The following CNOT1 variants were observed in gnomAD, a reference collection of about 807,000 sequenced individuals.
The protein encoded by CNOT1 is CCR4-NOT transcription complex subunit 1.
Under a neutral mutation model 273.8 loss-of-function variants are expected in CNOT1, and 15 were observed. The observed-to-expected ratio is 0.05, with a 90% confidence interval of 0.04 to 0.08. The LOEUF is 0.08. Among genes scored for constraint, CNOT1 ranks in the 10% least tolerant of loss-of-function variants. The pLI, the probability that CNOT1 is intolerant of heterozygous loss-of-function variation, is 1.00. For synonymous variants in CNOT1, 1,022 were observed against 1,005.5 expected (o/e 1.02, Z -0.31); for missense variants, 1,644 against 2,912.2 (o/e 0.56, Z 10.02).
chr16:58,601,201 C>T (rs748470477), intron 1 of CNOT1, among the ~76,000 whole-genome samples: 19 of 152,192 alleles, frequency 1.2e-4, no homozygotes, highest in Non-Finnish European at 2.8e-4. Flanking sequence ...GGCGATCCAC[C>T]TGCTTCGGCC....
chr16:58,619,392 A>T (rs2043218721), intron 1 of CNOT1, among the ~76,000 whole-genome samples: 1 of 151,702 alleles, frequency 6.6e-6, no homozygotes, highest in African/African-American at 2.4e-5. Context: ...TAATTGTAAA[A>T]GAGCATCTTT....
chr16:58,538,322 C>A, intron 36 of CNOT1, 56 bp from the exon 37 acceptor site: 1 of 810,930 alleles, frequency 1.2e-6, no homozygotes, highest in Non-Finnish European at 2.2e-6. Context: ...GTAAAAGGGC[C>A]CATTTTACTC....
At chr16:58,585,054 C>A (rs143161958) in intron 8 of CNOT1, among the ~76,000 whole-genome samples, 1 of 152,162 alleles carries the variant, frequency 6.6e-6, no homozygotes, top group African/African-American at 2.4e-5. Flanking sequence ...TGCTTCAATG[C>A]TCTCTCTTCC....
At chr16:58,589,842 T>C (rs1271942900) in intron 2 of CNOT1, among the ~76,000 whole-genome samples, 1 of 152,218 alleles carries the variant, frequency 6.6e-6, no homozygotes, top group Non-Finnish European at 1.5e-5. Flanking sequence ...TATTTGTTAT[T>C]CTTTCTAAAT....
intron 1 of CNOT1, among the ~76,000 whole-genome samples, chr16:58,603,408 AG>A (rs2042545728): frequency 1.0e-5 from 1 of 96,652 alleles, no homozygotes; most frequent in Admixed American, 1.1e-4. Context: ...ACAATTTAAA[AG>A]TGTGTGTGTG....
In CNOT1 at chr16:58,574,516, C is replaced by T. The variant is rs2151964639; in HGVS notation, c.1979+93G>A. On this transcript the variant is annotated intron_variant, in intron 16 of 48. Transcript: ENST00000317147. ...AAAACCATTGGACCATTTTAAACTG[C>T]TGTCACTTTCACTGAACCTCTTCTT... 8 of 1,247,754 alleles carry T rather than the reference C, an allele frequency of 6.4e-6. No individual in the cohort carries two copies. In the East Asian group the frequency reaches 1.7e-4, roughly 26 times the overall value. 77.3% of individuals were successfully genotyped at this position (1,247,754 alleles called of 1,614,324 possible).
intron 1 of CNOT1, among the ~76,000 whole-genome samples, chr16:58,615,063 T>C (rs935810196): frequency 8.2e-6 from 1 of 122,326 alleles, no homozygotes; most frequent in South Asian, 2.4e-4. Flanking sequence ...TTTCTCCTAG[T>C]GAATTACTGA....
At chr16:58,537,332 T>A in intron 38 of CNOT1, 112 bp from the exon 39 acceptor site, 1 of 1,429,946 alleles carries the variant, frequency 7.0e-7, no homozygotes, top group Non-Finnish European at 9.3e-7. Context: ...GTTTACCACT[T>A]CGCTTTACCA....
Position 58,560,212 on chromosome 16 carries a change from C to T in CNOT1, c.2130G>A (p.Gln710=). Residue 710 remains glutamine (Q), a splice_region_variant and synonymous_variant, in exon 17 of 49, where the codon CAG becomes CAA. Transcript: ENST00000317147. ...TGTATCAAATGTAGCACTCATTTAC[C>T]TGAACAGGAGAAATGGCATCTAAGC... ...ASSLDAISPV[Q]IDPLAGMTSL... 1.9e-6 allele frequency: 3 copies of T among 1,613,466 alleles called. No individual in the cohort carries two copies. Among genetic ancestry groups the T allele is most frequent in the Non-Finnish European group, 2.5e-6 (3 of 1,179,758 alleles).
chr16:58,598,442 G>A (rs1478731600), intron 2 of CNOT1, among the ~76,000 whole-genome samples: 12 of 149,376 alleles, frequency 8.0e-5, no homozygotes, highest in East Asian at 3.9e-4. Context: ...GGTGGTGGGC[G>A]CCTGTAGTCC....
chr16:58,567,257 C>G (rs926934514), intron 16 of CNOT1, among the ~76,000 whole-genome samples: 1 of 152,050 alleles, frequency 6.6e-6, no homozygotes, highest in African/African-American at 2.4e-5. Flanking sequence ...CTTGAGCCCA[C>G]GAGTGAGCCA....
chr16:58,549,042 A>T (rs1479679353), intron 25 of CNOT1, among the ~76,000 whole-genome samples: 1 of 152,202 alleles, frequency 6.6e-6, no homozygotes, highest in Admixed American at 6.5e-5. Flanking sequence ...TAATCCCAGA[A>T]CTCTGGGAGG....
At chr16:58,535,143 G>A (rs2039887047) in intron 39 of CNOT1, among the ~76,000 whole-genome samples, 1 of 151,968 alleles carries the variant, frequency 6.6e-6, no homozygotes. Flanking sequence ...AGGCTACAGA[G>A]GAAGAACAGT....
chr16:58,545,215 C>T (rs904686632), intron 30 of CNOT1, 146 bp downstream of exon 30: 5 of 1,312,796 alleles, frequency 3.8e-6, no homozygotes, highest in East Asian at 4.9e-5. Context: ...CTGAACTACA[C>T]AGCAGTTCTA....
intron 3 of CNOT1, 104 bp from the exon 4 acceptor site, chr16:58,587,982 G>A: frequency 9.1e-7 from 1 of 1,096,204 alleles, no homozygotes; most frequent in South Asian, 1.6e-5. Flanking sequence ...ACTATATACT[G>A]TTATATATTA....
At chr16:58,540,272 T>C (rs1405423906) in intron 34 of CNOT1, among the ~76,000 whole-genome samples, 1 of 152,194 alleles carries the variant, frequency 6.6e-6, no homozygotes. Context: ...GCACCACTTG[T>C]ACCATCTACT....
At chr16:58,578,136 T>C (rs2041525465) in intron 13 of CNOT1, among the ~76,000 whole-genome samples, 1 of 152,174 alleles carries the variant, frequency 6.6e-6, no homozygotes, top group Admixed American at 6.6e-5. Flanking sequence ...GCCCTAGCAA[T>C]ACAGACCTTT....
chr16:58,551,530 C>T (rs1183548142), intron 23 of CNOT1, 59 bp downstream of exon 23: 13 of 1,527,888 alleles, frequency 8.5e-6, no homozygotes, highest in Non-Finnish European at 1.1e-5. Context: ...ACATGTTCAC[C>T]ACTGATTATT....
intron 2 of CNOT1, among the ~76,000 whole-genome samples, chr16:58,590,411 T>C (rs2042012767): frequency 2.0e-5 from 3 of 152,266 alleles, no homozygotes; most frequent in Admixed American, 6.5e-5. Context: ...TCAGAAAATA[T>C]GGAAGTTAAG....
Sources: allele counts gnomAD v4.1 joint callset (sites outside exome capture counted in the v4.1 genomes callset), GRCh38; gene constraint gnomAD v4.1.1; transcripts MANE v1.5; gene names NCBI Gene and HGNC (gene_info 2026-07-23, HGNC 2026-07-21).